SHF: variants seen among roughly 807,000 people sequenced by gnomAD.
The protein encoded by SHF is Src homology 2 domain containing F, also known as SH2 domain-containing adapter protein F.
SHF carries 30 observed loss-of-function variants against 42.4 expected under a neutral mutation model. That is an observed-to-expected ratio of 0.71 (90% CI 0.53 to 0.96). The LOEUF (loss-of-function observed/expected upper bound fraction) is 0.96, where lower values mean the gene tolerates loss of function less well. Ranked by LOEUF, SHF falls within the 40% of genes least tolerant of loss-of-function variation. The pLI, the probability that SHF is intolerant of heterozygous loss-of-function variation, is 0.00. For missense variants in SHF, 598 were observed against 634.0 expected, an observed-to-expected ratio of 0.94 and a Z score of 0.61; for synonymous variants, 264 against 269.9, an observed-to-expected ratio of 0.98 and a Z score of 0.21.
chr15:45,187,254 T>C (rs1263713661), intron 1 of SHF, among the ~76,000 whole-genome samples, 200 bp downstream of exon 1: 3 of 152,226 alleles, frequency 2.0e-5, no homozygotes, highest in East Asian at 1.9e-4. Flanking sequence ...GGGGCAGAGT[T>C]TGGGGCTTCC....
chr15:45,180,579 A>G (rs1312920743), intron 1 of SHF, among the ~76,000 whole-genome samples: 5 of 152,226 alleles, frequency 3.3e-5, no homozygotes, highest in Non-Finnish European at 7.3e-5. Context: ...CTCACCTTGG[A>G]TCACTTTGTT....
At chr15:45,170,650 T>TC in intron 6 of SHF, 1 of 271,316 alleles carries the variant, frequency 3.7e-6, no homozygotes, top group Non-Finnish European at 7.1e-6. Flanking sequence ...TTTTTCTTTT[T>TC]TTTTTTTTTT....
At position 45,172,292 on chromosome 15, in the gene SHF, A is replaced by G. The variant is rs765779350; in HGVS notation, c.1015T>C (p.Cys339Arg). The change falls in exon 5 of 7, where the codon TGC becomes CGC. Residue 339 changes from cysteine to arginine, a missense_variant. By Grantham distance (180) the Cys-to-Arg change is radical. Coordinates refer to ENST00000690270, the MANE Select transcript of SHF (RefSeq NM_001394037.1). ...TTCTCCTCCCGGCCAGGTGACAGGC[A>G]GCTCTTCTCCGGTCCTTCAAACTGG... ...SAQFEGPEKSCLSPGREEKGR... is the reference protein window; with the variant it reads ...SAQFEGPEKSRLSPGREEKGR... The G allele has an allele frequency of 6.2e-7, 1 of 1,609,850 alleles. No homozygotes were observed. Among genetic ancestry groups the G allele is most frequent in the South Asian group, 1.1e-5 (1 of 90,472 alleles).
intron 2 of SHF, among the ~76,000 whole-genome samples, chr15:45,177,036 C>G (rs1033912275): frequency 6.6e-6 from 1 of 152,216 alleles, no homozygotes; most frequent in African/African-American, 2.4e-5. Context: ...TCCAAGAGCT[C>G]CATGGAATAA....
At chr15:45,180,761 A>G (rs1898084706) in intron 1 of SHF, among the ~76,000 whole-genome samples, 1 of 152,236 alleles carries the variant, frequency 6.6e-6, no homozygotes, top group South Asian at 2.1e-4. Flanking sequence ...ACTGCATGGT[A>G]AATGTTTGTT....
chr15:45,169,537 GA>G (rs1897366745), intron 6 of SHF, among the ~76,000 whole-genome samples: 1 of 152,202 alleles, frequency 6.6e-6, no homozygotes, highest in Non-Finnish European at 1.5e-5. Context: ...GGGTGGTGGA[GA>G]GGGGAGGCAG....
intron 5 of SHF, 26 bp from the exon 6 acceptor site, chr15:45,172,028 G>T: frequency 6.2e-7 from 1 of 1,613,840 alleles, no homozygotes; most frequent in Non-Finnish European, 8.5e-7. Flanking sequence ...AGGAAGGGGG[G>T]CATCTCTGCT....
At chr15:45,200,905 G>T (rs1481849564) in exon 1 of SHF, 3 of 454,312 alleles carry the variant, frequency 6.6e-6, no homozygotes, top group Non-Finnish European at 1.3e-5. Context: ...ATCATTGCAG[G>T]CCCGGCCTCA....
Position 45,187,946 on chromosome 15 carries a change from T to C in SHF, c.6A>G (p.Leu2=). M[L]LSGAPPAGSR... is the part of the protein sequence containing the mutation. ...AGCCAGCCGGAGGAGCTCCGCTCAG[T>C]AACATGGGGCCAGCCAGACTGAGCG... The change falls in exon 1 of 7, where the codon TTA becomes TTG. Residue 2 remains leucine, a synonymous_variant. Transcript: ENST00000690270. The C allele has an allele frequency of 8.9e-7, 1 of 1,120,970 alleles. No homozygotes were observed. The highest frequency in any genetic ancestry group is 1.1e-6 in the Non-Finnish European group (1 of 920,408). The allele number at this position is 1,120,970 out of a possible 1,614,324, so 69.4% of individuals were successfully genotyped here.
At chr15:45,178,330 T>A in intron 1 of SHF, 24 bp from the exon 2 acceptor site, 2 of 1,606,266 alleles carry the variant, frequency 1.2e-6, no homozygotes, top group Non-Finnish European at 1.7e-6. Context: ...GTGAAGAGAG[T>A]GGGCTTCAGG....
intron 3 of SHF, among the ~76,000 whole-genome samples, chr15:45,174,725 C>T (rs1897701875): frequency 6.6e-6 from 1 of 152,156 alleles, no homozygotes. Context: ...AGAGATTTCT[C>T]ACAGCCTCAC....
In SHF at chr15:45,168,116, A is replaced by C; in HGVS notation, c.1298T>G (p.Met433Arg). 1.3e-6 allele frequency: 2 copies of C among 1,597,790 alleles called. No homozygotes were observed. The highest frequency in any genetic ancestry group is 1.1e-5 in the South Asian group (1 of 88,242). ...CTTGGTTCGGGACAGCTTCATGTGCATGAATCCCTGGCTGCTCCTGGGAAG... is the reference window on the plus strand; with the variant it reads ...CTTGGTTCGGGACAGCTTCATGTGCCTGAATCCCTGGCTGCTCCTGGGAAG... ...SLSLKSSQGFMHMKLSRTKEH... is the reference protein window; with the variant it reads ...SLSLKSSQGFRHMKLSRTKEH... The change falls in exon 7 of 7, where the codon ATG (methionine) becomes AGG (arginine). Residue 433 changes from methionine to arginine, a missense_variant. Transcript: ENST00000690270.
chr15:45,192,565 G>T (rs951382083), upstream of SHF, among the ~76,000 whole-genome samples: 4 of 151,962 alleles, frequency 2.6e-5, no homozygotes, highest in South Asian at 8.3e-4. Flanking sequence ...TAGAGATGGG[G>T]TTTCACCGTG....
chr15:45,197,104 A>G (rs1898889635), intron 2 of SHF, among the ~76,000 whole-genome samples: 1 of 152,056 alleles, frequency 6.6e-6, no homozygotes, highest in African/African-American at 2.4e-5. Context: ...AAAGGACACA[A>G]TTTGAGATGC....
chr15:45,189,749 G>A (rs1595643162), upstream of SHF, among the ~76,000 whole-genome samples: 14 of 70,726 alleles, frequency 2.0e-4, no homozygotes, highest in Admixed American at 3.1e-3. Flanking sequence ...AGTTCAAAGC[G>A]GGGGGTGTAA....
rs201576115 is a variant in SHF at position 45,198,790 on chromosome 15, G to C, written c.285C>G (p.Asp95Glu). ...TACTTACGGGGCGAGGTTCCAGCCT[G>C]TCCCTGAGTCTGATAATGCGCAGGC... The change falls in exon 2 of 8, where the codon GAC (aspartate) becomes GAG (glutamate). Residue 95 changes from aspartate to glutamate, a missense_variant. Asp to Glu is a conservative substitution (Grantham distance 45). Coordinates refer to the SHF transcript ENST00000290894. 5.5e-4 allele frequency: 893 copies of C among 1,612,916 alleles called. 2 individuals are homozygous for C. Among genetic ancestry groups the C allele is most frequent in the Middle Eastern group, 8.3e-4 (5 of 6,060 alleles).
At chr15:45,178,053 T>A in intron 2 of SHF, 112 bp downstream of exon 2, 1 of 1,402,348 alleles carries the variant, frequency 7.1e-7, no homozygotes, top group Non-Finnish European at 9.6e-7. Flanking sequence ...TGGAAAAGAC[T>A]TTCTCCATAT....
At chr15:45,190,060 A>C (rs147790687), upstream of SHF, among the ~76,000 whole-genome samples, 450 of 152,288 alleles carry the variant, frequency 3.0e-3, 3 homozygotes, top group African/African-American at 0.01. Flanking sequence ...TGTGGACACT[A>C]ATCTCCTGGG....
At chr15:45,200,388 C>T (rs192586663) in intron 1 of SHF, 8 of 214,044 alleles carry the variant, frequency 3.7e-5, no homozygotes, top group South Asian at 2.1e-4. Context: ...AACAAACTCC[C>T]CTTGCCGTGC....
Sources: allele counts gnomAD v4.1 joint callset (sites outside exome capture counted in the v4.1 genomes callset), GRCh38; gene constraint gnomAD v4.1.1; transcripts MANE v1.5; gene names NCBI Gene and HGNC (gene_info 2026-07-23, HGNC 2026-07-21).